CNTN5: variants seen among roughly 807,000 people sequenced by gnomAD.
CNTN5 encodes the protein contactin-5.
Under a neutral mutation model 129.1 loss-of-function variants are expected in CNTN5, and 77 were observed. The observed-to-expected ratio is 0.60, with a 90% CI of 0.50 to 0.72. CNTN5 has a LOEUF of 0.72. Ranked by LOEUF, CNTN5 falls within the 30% of genes least tolerant of loss-of-function variation. CNTN5 has a pLI of 0.00. For missense variants in CNTN5, 1,478 were observed against 1,328.8 expected, an observed-to-expected ratio of 1.11 and a Z score of -1.75; for synonymous variants, 509 against 465.6, an observed-to-expected ratio of 1.09 and a Z score of -1.20.
At chr11:99,347,272 G>T (rs1438138109) in intron 2 of CNTN5, among the ~76,000 whole-genome samples, 2 of 152,114 alleles carry the variant, frequency 1.3e-5, no homozygotes, top group Admixed American at 6.6e-5. Flanking sequence ...TCTGCCTTTT[G>T]TGTTTCTATA....
intron 21 of CNTN5, chr11:100,309,076 A>G (rs1951415282): frequency 1.0e-6 from 1 of 985,030 alleles, no homozygotes; most frequent in African/African-American, 1.7e-5. Flanking sequence ...ATATTTTATG[A>G]TAACAAGGTT....
intron 18 of CNTN5, among the ~76,000 whole-genome samples, chr11:100,290,437 C>T (rs1240758763): frequency 3.4e-5 from 5 of 147,302 alleles, no homozygotes; most frequent in Non-Finnish European, 6.0e-5. Context: ...GAACAGAGCC[C>T]TCAGAAATAA....
intron 8 of CNTN5, among the ~76,000 whole-genome samples, chr11:99,964,385 A>C (rs1951035301): frequency 6.6e-6 from 1 of 152,168 alleles, no homozygotes; most frequent in Admixed American, 6.5e-5. Context: ...GAATTTTGTC[A>C]AAGGCCTTTT....
At chr11:99,916,421 T>C (rs1247691598) in intron 7 of CNTN5, among the ~76,000 whole-genome samples, 2 of 152,114 alleles carry the variant, frequency 1.3e-5, no homozygotes, top group Non-Finnish European at 2.9e-5. Flanking sequence ...ATATATTGCC[T>C]AGAGCACAAA....
intron 1 of CNTN5, among the ~76,000 whole-genome samples, chr11:99,046,066 C>T (rs542861418): frequency 5.9e-5 from 9 of 152,212 alleles, no homozygotes; most frequent in East Asian, 3.9e-4. Context: ...AGACCTGGTG[C>T]GGTGGCTCAC....
At chr11:99,478,007 A>G (rs1945446007) in intron 2 of CNTN5, among the ~76,000 whole-genome samples, 1 of 152,050 alleles carries the variant, frequency 6.6e-6, no homozygotes, top group African/African-American at 2.4e-5. Context: ...CTTTGCCTCA[A>G]GAAAAATTGT....
chr11:100,011,822 C>A (rs1940553208), intron 9 of CNTN5, among the ~76,000 whole-genome samples: 1 of 152,132 alleles, frequency 6.6e-6, no homozygotes, highest in Non-Finnish European at 1.5e-5. Context: ...CCTTTCCTCA[C>A]CCCTTAGCTA....
Position 99,032,893 on chromosome 11 carries a change from G to A in CNTN5, c.-210+11623G>A, listed in dbSNP as rs1863471929. The stretch of plus-strand genomic sequence containing the variant: ...CTAGGTTTTCTTCTAGGGTTTTTAT[G>A]GTTTTAGGTCTAACGTTTAAGTCTT... On this transcript the variant is annotated intron_variant, in intron 1 of 24. Transcript: ENST00000524871. Among the ~76,000 whole-genome samples, 3 of 141,144 alleles carry A rather than the reference G, an allele frequency of 2.1e-5. No homozygotes were observed. The South Asian group carries it at 6.7e-4, about 31-fold the overall frequency. The allele number at this position is 141,144 out of a possible 152,430, so 92.6% of individuals were successfully genotyped here.
intron 1 of CNTN5, among the ~76,000 whole-genome samples, chr11:99,057,854 A>G (rs1299722394): frequency 6.6e-6 from 1 of 150,674 alleles, no homozygotes; most frequent in Non-Finnish European, 1.5e-5. Flanking sequence ...GGATGTTGGT[A>G]GTATTGAAAT....
chr11:99,700,317 G>A (rs1410707793), intron 3 of CNTN5, among the ~76,000 whole-genome samples: 1 of 151,514 alleles, frequency 6.6e-6, no homozygotes, highest in South Asian at 2.1e-4. Flanking sequence ...CAACTTGATA[G>A]TGAAAATAAC....
At chr11:99,690,838 CAA>C (rs1954010712) in intron 3 of CNTN5, among the ~76,000 whole-genome samples, 1 of 138,744 alleles carries the variant, frequency 7.2e-6, no homozygotes, top group Non-Finnish European at 1.7e-5. Context: ...GAAATGATAA[CAA>C]CTCTTTTTTG....
At chr11:99,873,752 C>T (rs1195797646) in intron 6 of CNTN5, among the ~76,000 whole-genome samples, 1 of 152,104 alleles carries the variant, frequency 6.6e-6, no homozygotes, top group Non-Finnish European at 1.5e-5. Flanking sequence ...AAAAATATAT[C>T]TGCACTCATG....
intron 1 of CNTN5, among the ~76,000 whole-genome samples, chr11:99,256,322 A>G (rs1565442329): frequency 6.6e-6 from 1 of 152,034 alleles, no homozygotes; most frequent in Admixed American, 6.6e-5. Context: ...CTTACTGTAC[A>G]ATTTCTTAGA....
chr11:99,219,520 A>G (rs1430862625), intron 1 of CNTN5, among the ~76,000 whole-genome samples: 1 of 151,892 alleles, frequency 6.6e-6, no homozygotes, highest in Admixed American at 6.6e-5. Flanking sequence ...TTATTCTACA[A>G]AACATAAGGA....
intron 1 of CNTN5, among the ~76,000 whole-genome samples, chr11:99,088,712 A>G (rs749295723): frequency 5.3e-5 from 8 of 152,210 alleles, no homozygotes; most frequent in Non-Finnish European, 1.0e-4. Flanking sequence ...CTGAGTAGCC[A>G]AATGCTGAAG....
intron 13 of CNTN5, among the ~76,000 whole-genome samples, chr11:100,159,854 C>T (rs1290266734): frequency 6.6e-6 from 1 of 151,782 alleles, no homozygotes; most frequent in African/African-American, 2.4e-5. Context: ...TAGGCAGTTC[C>T]CATGGGCCAC....
At chr11:99,518,044 G>A (rs1024017896) in intron 2 of CNTN5, among the ~76,000 whole-genome samples, 4 of 151,988 alleles carry the variant, frequency 2.6e-5, no homozygotes, top group African/African-American at 9.7e-5. Context: ...TCAATTCAGG[G>A]TATCCAAACA....
chr11:100,212,852 A>G (rs1949061211), intron 15 of CNTN5, among the ~76,000 whole-genome samples: 1 of 152,142 alleles, frequency 6.6e-6, no homozygotes, highest in African/African-American at 2.4e-5. Context: ...AGGAGGGATT[A>G]CTGCTAGCTC....
intron 6 of CNTN5, among the ~76,000 whole-genome samples, chr11:99,880,256 T>G (rs1002297844): frequency 4.6e-5 from 7 of 152,214 alleles, no homozygotes; most frequent in Non-Finnish European, 1.0e-4. Flanking sequence ...TCTGTGTCCC[T>G]CTTTTCCTCT....
Sources: gnomAD v4.1 joint callset for allele counts (sites outside exome capture counted in the v4.1 genomes callset) on GRCh38, gnomAD v4.1.1 for gene constraint, MANE v1.5 for transcripts, NCBI Gene and HGNC (gene_info 2026-07-23, HGNC 2026-07-21) for gene names.